Variants in NCOR2 observed in about 807,000 individuals in gnomAD.
NCOR2 encodes the protein nuclear receptor corepressor 2.
NCOR2 carries 81 observed loss-of-function variants against 262.9 expected under a neutral mutation model. The ratio of observed to expected loss-of-function variants is 0.31; its 90% confidence interval spans 0.26 to 0.37. NCOR2 has a LOEUF of 0.37. Among genes scored for constraint, NCOR2 ranks in the 10% least tolerant of loss-of-function variants. The probability of loss-of-function intolerance (pLI) is 1.00; values close to 1 mark genes in which losing one functional copy is unlikely to be tolerated. For missense variants in NCOR2, 3,385 were observed against 3,621.4 expected (o/e 0.93, Z 1.68); for synonymous variants, 1,659 against 1,559.3 (o/e 1.06, Z -1.51).
At chr12:124,452,864 G>A (rs75467614) in intron 6 of NCOR2, among the ~76,000 whole-genome samples, 3,412 of 152,298 alleles carry the variant, frequency 0.022, 65 homozygotes, top group Non-Finnish European at 0.037. Flanking sequence ...GGCCCACAAG[G>A]CGAAGGCCCC....
intron 22 of NCOR2, among the ~76,000 whole-genome samples, chr12:124,358,380 G>A (rs1334522044): frequency 1.3e-5 from 2 of 151,704 alleles, no homozygotes; most frequent in Non-Finnish European, 2.9e-5. Context: ...TGATGTGTGT[G>A]CACGTGCACG....
At chr12:124,488,586 T>C (rs1373639880) in intron 1 of NCOR2, among the ~76,000 whole-genome samples, 3 of 152,112 alleles carry the variant, frequency 2.0e-5, no homozygotes, top group Non-Finnish European at 4.4e-5. Flanking sequence ...CACAAGACTC[T>C]AGGTGCTCTC....
intron 21 of NCOR2, among the ~76,000 whole-genome samples, chr12:124,362,597 A>G (rs2038683046): frequency 7.0e-6 from 1 of 142,422 alleles, no homozygotes; most frequent in African/African-American, 2.7e-5. Flanking sequence ...AGCCTAGCCC[A>G]GCTGCCTGGT....
chr12:124,557,153 C>T (rs1250552656), intron 1 of NCOR2, among the ~76,000 whole-genome samples: 1 of 152,208 alleles, frequency 6.6e-6, no homozygotes, highest in Admixed American at 6.5e-5. Context: ...TACAGGCCTC[C>T]CCCTGGCTGC....
intron 1 of NCOR2, chr12:124,529,834 G>C (rs2050690531): frequency 6.6e-6 from 1 of 152,246 alleles, no homozygotes; most frequent in Non-Finnish European, 1.5e-5. Flanking sequence ...ACAAGGATGG[G>C]GAGCAACTGG....
At chr12:124,366,072 G>A (rs1307081386) in intron 20 of NCOR2, among the ~76,000 whole-genome samples, 2 of 152,128 alleles carry the variant, frequency 1.3e-5, no homozygotes, top group African/African-American at 2.4e-5. Context: ...CCTAAACCCA[G>A]CACTGCCACT....
At chr12:124,347,506 C>T (rs577071719) in intron 30 of NCOR2, 10 of 340,254 alleles carry the variant, frequency 2.9e-5, no homozygotes, top group African/African-American at 1.0e-4. Context: ...CTCTCCCAAT[C>T]GCATGTGCCT....
At chr12:124,445,217 G>A (rs1245388537) in intron 7 of NCOR2, among the ~76,000 whole-genome samples, 1 of 152,302 alleles carries the variant, frequency 6.6e-6, no homozygotes, top group African/African-American at 2.4e-5. Context: ...CAGGTCCCAC[G>A]CACTTTCACC....
At chr12:124,398,873 T>C (rs1341703613) in intron 15 of NCOR2, among the ~76,000 whole-genome samples, 2 of 152,248 alleles carry the variant, frequency 1.3e-5, no homozygotes, top group African/African-American at 4.8e-5. Context: ...CTGGTGTTAC[T>C]GGGAAGGGAC....
At chr12:124,431,140 A>G (rs1246138444) in intron 8 of NCOR2, among the ~76,000 whole-genome samples, 1 of 145,972 alleles carries the variant, frequency 6.9e-6, no homozygotes, top group Non-Finnish European at 1.5e-5. Flanking sequence ...TCACACAGGC[A>G]GACACACATG....
intron 27 of NCOR2, 45 bp from the exon 30 acceptor site, chr12:124,350,782 AC>A (rs766917637): frequency 1.8e-5 from 28 of 1,564,366 alleles, no homozygotes; most frequent in Non-Finnish European, 2.2e-5. Flanking sequence ...GCAGCCCAGG[AC>A]CCCTCTCAAC....
rs1412218856 is a variant in NCOR2 at position 124,503,445 on chromosome 12, AGGAG to A, written c.-117-8081_-117-8078del. 6.6e-6 allele frequency among the ~76,000 whole-genome samples: 1 copy of A among 151,982 alleles called. No homozygotes were observed. The highest frequency in any genetic ancestry group is 6.5e-5 in the Admixed American group (1 of 15,270). ...GATGAATGCATGCATGGATAGAGAA[AGGAG>A]GAAGGATGCATGGACTGATGGATGG... On this transcript the variant is annotated intron_variant, in intron 1 of 46. Coordinates refer to the NCOR2 transcript ENST00000404621. This position sits in a 1 kb window ranked among gnomAD's most constrained non-coding sequence, Gnocchi z 4.3.
rs60593594 is a variant in NCOR2, at chr12:124,476,902, TA to T, written c.412-3772del. On this transcript the variant is annotated intron_variant, in intron 3 of 46. Transcript: ENST00000405201. Reference sequence around the variant, plus strand: ...CAACATAGCAAGACCCCATCTTTATTAAAAAAAAAAAAAAAAAAGGAATGAA... The same window carrying T: ...CAACATAGCAAGACCCCATCTTTATTAAAAAAAAAAAAAAAAAGGAATGAA... 5.8e-3 allele frequency among the ~76,000 whole-genome samples: 833 copies of T among 142,480 alleles called. 3 individuals are homozygous for T. Among genetic ancestry groups the T allele is most frequent in the African/African-American group, 0.017 (640 of 37,192 alleles). 93.5% of individuals were successfully genotyped at this position (142,480 alleles called of 152,430 possible). A position where few individuals can be genotyped will look rare whatever the true frequency, so the allele number is the denominator to read the frequency against.
intron 46 of NCOR2, 42 bp downstream of exon 48, chr12:124,326,149 G>A: frequency 6.9e-7 from 1 of 1,447,402 alleles, no homozygotes; most frequent in Non-Finnish European, 9.1e-7. Context: ...GCCCAGTGTT[G>A]GGGGCTCAGC....
Position 124,378,338 on chromosome 12 carries a change from G to A in NCOR2, c.2066C>T (p.Ala689Val), listed in dbSNP as rs373664965. Residue 689 changes from alanine (A) to valine (V), a missense_variant, in exon 18 of 47, where the codon GCG becomes GTG. By Grantham distance (64) the Ala-to-Val change is moderately conservative. Transcript: ENST00000405201. This position sits in a 1 kb window ranked among gnomAD's most constrained non-coding sequence, Gnocchi z 4.2. ...CGGGAATGCAGCCTCCTCGCTGGCC[G>A]CCGCCGGCGCTTTCTTCTTCTTCCT... 9.3e-6 allele frequency: 15 copies of A among 1,613,660 alleles called. No individual in the cohort carries two copies. Among genetic ancestry groups the A allele is most frequent in the African/African-American group, 4.0e-5 (3 of 74,906 alleles).
chr12:124,460,817 A>AAT lies in NCOR2; in HGVS notation c.706-3657_706-3656dup, dbSNP rs1329329358. Among the ~76,000 whole-genome samples the AAT allele has an allele frequency of 8.5e-5, 13 of 152,270 alleles. No homozygotes were observed. The South Asian group carries it at 2.1e-3, about 24-fold the overall frequency. The stretch of plus-strand genomic sequence containing the variant: ...CCCATCTAGAACATTCCCCAACCCC[A>AAT]ATATTCCCGTGGCTGATATCTCCAC... On this transcript the variant is annotated intron_variant, in intron 5 of 46. Transcript: ENST00000405201.
chr12:124,380,455 C>G (rs895744405), intron 17 of NCOR2, among the ~76,000 whole-genome samples: 1 of 152,344 alleles, frequency 6.6e-6, no homozygotes, highest in East Asian at 1.9e-4. Context: ...ACAGGGCCCA[C>G]AGGGATGCCC....
intron 7 of NCOR2, among the ~76,000 whole-genome samples, chr12:124,446,234 A>G (rs757518561): frequency 1.6e-4 from 25 of 152,112 alleles, no homozygotes; most frequent in Non-Finnish European, 3.4e-4. Context: ...CAGGGTGCTC[A>G]CTACCTACCT....
At chr12:124,400,179 C>T (rs1377858199) in intron 15 of NCOR2, among the ~76,000 whole-genome samples, 2 of 152,196 alleles carry the variant, frequency 1.3e-5, no homozygotes, top group African/African-American at 4.8e-5. Flanking sequence ...GTGGTTGAAG[C>T]CACTGAACTC....
Sources: allele counts gnomAD v4.1 joint callset (sites outside exome capture counted in the v4.1 genomes callset), GRCh38; gene constraint gnomAD v4.1.1; non-coding constraint Gnocchi (gnomAD v3.1); transcripts MANE v1.5; gene names NCBI Gene and HGNC (gene_info 2026-07-23, HGNC 2026-07-21).